Variants in TMEM184A observed in about 807,000 individuals in gnomAD.
The protein encoded by TMEM184A is sexually dimorphic, expressed in male gonads 1.
In TMEM184A, 40 loss-of-function variants were observed where a neutral mutation model predicts 39.5. The observed-to-expected ratio is 1.01, with a 90% CI of 0.79 to 1.32. TMEM184A has a LOEUF of 1.32. TMEM184A is among the 40% of genes most tolerant of loss of function. The probability of loss-of-function intolerance (pLI) is 0.00; values close to 1 mark genes in which losing one functional copy is unlikely to be tolerated. For missense variants in TMEM184A, 603 were observed against 568.8 expected, an observed-to-expected ratio of 1.06 and a Z score of -0.61; for synonymous variants, 280 against 252.3, an observed-to-expected ratio of 1.11 and a Z score of -1.04.
chr7:1,552,942 CTA>C (rs1784659204), intron 2 of TMEM184A, among the ~76,000 whole-genome samples: 1 of 152,048 alleles, frequency 6.6e-6, no homozygotes, highest in Non-Finnish European at 1.5e-5. Flanking sequence ...GCAGTCCCAG[CTA>C]CTCGGGAGGC....
At chr7:1,550,016 C>T in intron 5 of TMEM184A, 71 bp from the exon 6 acceptor site, 2 of 1,598,202 alleles carry the variant, frequency 1.3e-6, no homozygotes, top group Non-Finnish European at 1.7e-6. Flanking sequence ...ATTGGGGCAG[C>T]CAGCAATGAG....
chr7:1,549,111 G>A (rs745343941), intron 6 of TMEM184A: 25 of 470,388 alleles, frequency 5.3e-5, no homozygotes, highest in African/African-American at 1.8e-4. Flanking sequence ...CATGTATGTC[G>A]TGTGCACACA....
At chr7:1,551,988 G>GT (rs1184585159) in intron 2 of TMEM184A, among the ~76,000 whole-genome samples, 13 of 147,796 alleles carry the variant, frequency 8.8e-5, no homozygotes, top group Non-Finnish European at 1.3e-4. Flanking sequence ...TCTTGCCCAG[G>GT]TTTTTTTTGA....
rs749059124 is a variant in TMEM184A, at chr7:1,555,830, G to A, written c.-1+284C>T. 6.2e-5 allele frequency: 21 copies of A among 339,204 alleles called. No individual in the cohort carries two copies. Among genetic ancestry groups the A allele is most frequent in the Middle Eastern group, 9.1e-4 (1 of 1,098 alleles). 21.0% of individuals were successfully genotyped at this position (339,204 alleles called of 1,614,324 possible). A position where few individuals can be genotyped will look rare whatever the true frequency, so the allele number is the denominator to read the frequency against. ...GGGCAGAAGAGGGGGAACCCCTGCCGCCCTGCCTGCCCGGGAGGGCTGGGG... is the reference window on the plus strand; with the variant it reads ...GGGCAGAAGAGGGGGAACCCCTGCCACCCTGCCTGCCCGGGAGGGCTGGGG... On this transcript the variant is annotated intron_variant, in intron 1 of 8. Transcript: ENST00000297477. This position sits in a 1 kb window ranked among gnomAD's most constrained non-coding sequence, Gnocchi z 5.2.
In TMEM184A at chr7:1,545,947, C is replaced by T. The variant is rs1784331210; in HGVS notation, c.*1005G>A. 6.6e-6 allele frequency: 1 copy of T among 152,388 alleles called. No individual in the cohort carries two copies. Among genetic ancestry groups the T allele is most frequent in the African/African-American group, 2.4e-5 (1 of 41,460 alleles). The allele number at this position is 152,388 out of a possible 1,614,324, so 9.4% of individuals were successfully genotyped here. On this transcript the variant is annotated 3_prime_UTR_variant, in exon 9 of 9. Transcript: ENST00000297477. ...GCCCCCTGGGAGTGTCCCCCCCGCC[C>T]AGGTACTCAGGGCCCTGCCTTCGTG...
intron 7 of TMEM184A, 32 bp from the exon 8 acceptor site, chr7:1,547,971 C>G: frequency 6.5e-7 from 1 of 1,543,678 alleles, no homozygotes; most frequent in Non-Finnish European, 8.7e-7. Context: ...AGCCCCAGCC[C>G]CAGACGGGGT....
At chr7:1,549,072 G>A (rs147318183) in intron 6 of TMEM184A, 60 of 486,938 alleles carry the variant, frequency 1.2e-4, no homozygotes, top group South Asian at 2.3e-4. Context: ...TGTCGTTCCC[G>A]TGTGAGTGTG....
At position 1,555,290 on chromosome 7, in the gene TMEM184A, A is replaced by C; in HGVS notation, c.195T>G (p.Thr65=). The C allele has an allele frequency of 6.2e-7, 1 of 1,607,398 alleles. No individual in the cohort carries two copies. The highest frequency in any genetic ancestry group is 8.5e-7 in the Non-Finnish European group (1 of 1,177,188). The change falls in exon 2 of 9, where the codon ACT becomes ACG. Residue 65 remains threonine, a synonymous_variant. Transcript: ENST00000297477. This position sits in a 1 kb window ranked among gnomAD's most constrained non-coding sequence, Gnocchi z 5.2. The part of the protein sequence containing the change: ...ARGVSGIFVW[T]ALVLTCHQIY... ...CCTGGTGGCAGGTGAGCACCAGGGCAGTCCACACGAAGATCCCCGAGACGC... is the reference window on the plus strand; with the variant it reads ...CCTGGTGGCAGGTGAGCACCAGGGCCGTCCACACGAAGATCCCCGAGACGC...
chr7:1,549,245 T>C (rs776780997), intron 6 of TMEM184A: 15 of 452,352 alleles, frequency 3.3e-5, no homozygotes, highest in South Asian at 2.3e-4. Flanking sequence ...ACGTGTGTGA[T>C]GTGTGCGCAC....
At chr7:1,549,240 T>A (rs1336008993) in intron 6 of TMEM184A, 1 of 435,820 alleles carries the variant, frequency 2.3e-6, no homozygotes, top group Non-Finnish European at 4.5e-6. Flanking sequence ...GATGCACGTG[T>A]GTGATGTGTG....
chr7:1,550,188 A>T lies in TMEM184A; in HGVS notation c.487T>A (p.Leu163Met). ...CCCCGGAGGCAGCAGGTGCCGTACAAGCAGCTGGACCTGCGGGGGACGTCC... is the reference window on the plus strand; with the variant it reads ...CCCCGGAGGCAGCAGGTGCCGTACATGCAGCTGGACCTGCGGGGGACGTCC... ...IRGKPIKSSC[L>M]YGTCCLRGMT... Residue 163 changes from leucine to methionine, a missense_variant, in exon 5 of 9, where the codon TTG becomes ATG. By Grantham distance (15) the Leu-to-Met change is conservative (BLOSUM62 2). Transcript: ENST00000297477. 6.2e-7 allele frequency: 1 copy of T among 1,608,694 alleles called. No homozygotes were observed. The highest frequency in any genetic ancestry group is 1.7e-4 in the Middle Eastern group (1 of 6,046).
Position 1,555,670 on chromosome 7 carries a change from C to G in TMEM184A, c.1-186G>C. 1 of 636,432 alleles carries G rather than the reference C, an allele frequency of 1.6e-6. No homozygotes were observed. Among genetic ancestry groups the G allele is most frequent in the Non-Finnish European group, 2.8e-6 (1 of 359,240 alleles). 39.4% of individuals were successfully genotyped at this position (636,432 alleles called of 1,614,324 possible). On this transcript the variant is annotated intron_variant, in intron 1 of 8. Transcript: ENST00000297477. The surrounding 1 kb of genome is among the most constrained non-coding windows in gnomAD (Gnocchi z 5.2). Reference sequence around the variant, plus strand: ...GCTCCCTCCCTGCTCCGAGCTCAGCCATCGAAGCTCACCCATCAACCACCT... The same window carrying G: ...GCTCCCTCCCTGCTCCGAGCTCAGCGATCGAAGCTCACCCATCAACCACCT...
intron 2 of TMEM184A, among the ~76,000 whole-genome samples, chr7:1,552,035 G>A (rs1373514170): frequency 1.3e-5 from 2 of 152,068 alleles, no homozygotes; most frequent in African/African-American, 4.8e-5. Flanking sequence ...CTGGAGTGCA[G>A]TGGTACAATC....
At chr7:1,547,480 T>C (rs1177708592) in intron 8 of TMEM184A, among the ~76,000 whole-genome samples, 1 of 152,148 alleles carries the variant, frequency 6.6e-6, no homozygotes, top group Non-Finnish European at 1.5e-5. Context: ...CAGTGACTGA[T>C]GAGAAGCCGG....
At chr7:1,548,916 G>C (rs774791263) in intron 6 of TMEM184A, 2 of 674,068 alleles carry the variant, frequency 3.0e-6, no homozygotes, top group South Asian at 1.5e-5. Context: ...GGACGTGGCC[G>C]TTCTCCCTAC....
chr7:1,549,196 T>C (rs1376521821), intron 6 of TMEM184A: 4 of 456,622 alleles, frequency 8.8e-6, no homozygotes, highest in Non-Finnish European at 1.8e-5. Flanking sequence ...GTGTGCACGG[T>C]TTGCGCATGT....
rs571930804 is a variant in TMEM184A, at chr7:1,542,589, C to T, written c.*4363G>A. On this transcript the variant is annotated 3_prime_UTR_variant, in exon 9 of 9. Coordinates refer to ENST00000297477, the MANE Select transcript of TMEM184A (RefSeq NM_001097620.2). ...GGGTGGACGGAGCCGCTGTCACCGC[C>T]CAGAGCTGGGCCGGGGAAGCACGGT... is the stretch of plus-strand genomic sequence containing the variant. The T allele has an allele frequency of 6.6e-6, 1 of 152,410 alleles. No homozygotes were observed. Among genetic ancestry groups the T allele is most frequent in the Admixed American group, 6.5e-5 (1 of 15,310 alleles). 9.4% of individuals were successfully genotyped at this position (152,410 alleles called of 1,614,324 possible).
chr7:1,548,399 T>C, intron 7 of TMEM184A, 120 bp downstream of exon 7: 1 of 1,212,132 alleles, frequency 8.2e-7, no homozygotes, highest in Non-Finnish European at 1.2e-6. Flanking sequence ...AGCTGACCTG[T>C]GCTGCAGCTG....
At position 1,546,396 on chromosome 7, in the gene TMEM184A, C is replaced by A. The variant is rs1469065731; in HGVS notation, c.*556G>T. 1 of 152,238 alleles carries A rather than the reference C, an allele frequency of 6.6e-6. No individual in the cohort carries two copies. 9.4% of individuals were successfully genotyped at this position (152,238 alleles called of 1,614,324 possible). On this transcript the variant is annotated 3_prime_UTR_variant, in exon 9 of 9. Transcript: ENST00000297477. The stretch of plus-strand genomic sequence containing the variant: ...GGCTGGCGTGTGGAGACACGTGGGC[C>A]CTTCTCCACGTGCCCACGAGGGCCG...
Sources: gnomAD v4.1 joint callset for allele counts (sites outside exome capture counted in the v4.1 genomes callset) on GRCh38, gnomAD v4.1.1 for gene constraint, Gnocchi (gnomAD v3.1) non-coding constraint, MANE v1.5 for transcripts, NCBI Gene and HGNC (gene_info 2026-07-23, HGNC 2026-07-21) for gene names.